Variants in KIRREL3 observed in about 807,000 individuals in gnomAD.
KIRREL3 encodes the protein kin of IRRE-like protein 3.
A neutral mutation model predicts 89.7 loss-of-function variants in KIRREL3; 36 were observed. The ratio of observed to expected loss-of-function variants is 0.40; its 90% CI spans 0.31 to 0.53. KIRREL3 has a LOEUF of 0.53. Ranked by LOEUF, KIRREL3 falls within the 20% of genes least tolerant of loss-of-function variation. KIRREL3 has a pLI of 0.49. For missense variants in KIRREL3, 864 were observed against 1,056.6 expected (o/e 0.82, Z 2.53); for synonymous variants, 445 against 441.4 (o/e 1.01, Z -0.10).
At chr11:126,449,880 C>T (rs1200675717) in intron 7 of KIRREL3, among the ~76,000 whole-genome samples, 4 of 152,248 alleles carry the variant, frequency 2.6e-5, no homozygotes, top group Admixed American at 6.5e-5. Flanking sequence ...CCCTGGATGG[C>T]ACTTGCTCTT....
rs1332305157 is a variant in KIRREL3, at chr11:126,495,751, C to G, written c.434-22285G>C. Among the ~76,000 whole-genome samples, 1 of 152,178 alleles carries G rather than the reference C, an allele frequency of 6.6e-6. No homozygotes were observed. Among genetic ancestry groups the G allele is most frequent in the African/African-American group, 2.4e-5 (1 of 41,440 alleles). On this transcript the variant is annotated intron_variant, in intron 4 of 16. Coordinates refer to ENST00000525144, the MANE Select transcript of KIRREL3 (RefSeq NM_032531.4). The surrounding 1 kb of genome is among the most constrained non-coding windows in gnomAD (Gnocchi z 6.5). Reference sequence around the variant, plus strand: ...GCCCATGTGGGCACTCCCTGCCCTTCTCACCGCTCTCCTTGTAAAAGGCAG... The same window carrying G: ...GCCCATGTGGGCACTCCCTGCCCTTGTCACCGCTCTCCTTGTAAAAGGCAG...
rs1348948384 is a variant in KIRREL3 at position 126,709,748 on chromosome 11, G to A, written c.56-146836C>T. On this transcript the variant is annotated intron_variant, in intron 1 of 16. Transcript: ENST00000525144. The surrounding 1 kb of genome is among the most constrained non-coding windows in gnomAD (Gnocchi z 4.0). ...CACCTCCATCTCAGACCTCCTGCCT[G>A]CAGAATTGTGAGAAAATAAGTTTCT... Among the ~76,000 whole-genome samples, 1 of 152,190 alleles carries A rather than the reference G, an allele frequency of 6.6e-6. No homozygotes were observed. The highest frequency in any genetic ancestry group is 1.5e-5 in the Non-Finnish European group (1 of 68,038).
chr11:126,581,264 G>A (rs528446192), intron 1 of KIRREL3, among the ~76,000 whole-genome samples: 4 of 152,224 alleles, frequency 2.6e-5, no homozygotes, highest in African/African-American at 7.2e-5. Flanking sequence ...GTGCAGTGGT[G>A]CAATCTCAGC....
chr11:126,697,319 G>A lies in KIRREL3; in HGVS notation c.56-134407C>T, dbSNP rs903655757. Among the ~76,000 whole-genome samples, 1 of 152,184 alleles carries A rather than the reference G, an allele frequency of 6.6e-6. No individual in the cohort carries two copies. The highest frequency in any genetic ancestry group is 1.5e-5 in the Non-Finnish European group (1 of 68,028). On this transcript the variant is annotated intron_variant, in intron 1 of 16. Transcript: ENST00000525144. The surrounding 1 kb of genome is among the most constrained non-coding windows in gnomAD (Gnocchi z 4.2). ...AACTGCAGCCAGCACTGGCCTTGCC[G>A]GCTCACTGCACAGGGTGGGCACTTA... is the stretch of plus-strand genomic sequence containing the variant.
rs1269419798 is a variant in KIRREL3, at chr11:126,425,714, C to A, written c.1817G>T (p.Gly606Val). 6.3e-7 allele frequency: 1 copy of A among 1,595,196 alleles called. No individual in the cohort carries two copies. Among genetic ancestry groups the A allele is most frequent in the Non-Finnish European group, 8.5e-7 (1 of 1,170,062 alleles). The change falls in exon 16 of 17, where the codon GGT becomes GTT. Residue 606 changes from glycine to valine, a missense_variant. Coordinates refer to ENST00000525144, the MANE Select transcript of KIRREL3 (RefSeq NM_032531.4). ...CAGGACTGAGTCTTGCTGGAATTCACCCCGGTCCATCTGCAACCCAAAAAA... is the reference window on the plus strand; with the variant it reads ...CAGGACTGAGTCTTGCTGGAATTCAACCCGGTCCATCTGCAACCCAAAAAA... ...STIKQLMMDR[G>V]EFQQDSVLKQ...
At chr11:126,461,292 C>G (rs1287992175) in intron 6 of KIRREL3, among the ~76,000 whole-genome samples, 1 of 152,252 alleles carries the variant, frequency 6.6e-6, no homozygotes, top group Non-Finnish European at 1.5e-5. Context: ...AGGCGGTGCT[C>G]AGACCCAGGA....
intron 1 of KIRREL3, among the ~76,000 whole-genome samples, chr11:126,960,157 C>T (rs1484652633): frequency 1.3e-5 from 2 of 149,344 alleles, no homozygotes; most frequent in Non-Finnish European, 3.0e-5. Flanking sequence ...CTTGGCCTGA[C>T]GCAGGAGACA....
At chr11:126,728,070 A>T (rs1416475705) in intron 1 of KIRREL3, among the ~76,000 whole-genome samples, 1 of 152,128 alleles carries the variant, frequency 6.6e-6, no homozygotes, top group East Asian at 1.9e-4. Context: ...GCAATCCATT[A>T]TGTGACTGGT....
chr11:126,706,076 C>T (rs1299474035), intron 1 of KIRREL3, among the ~76,000 whole-genome samples: 1 of 152,186 alleles, frequency 6.6e-6, no homozygotes, highest in African/African-American at 2.4e-5. Flanking sequence ...GGCCTTCTAG[C>T]CCAGTCAAGC....
In KIRREL3 at chr11:126,594,919, C is replaced by A. The variant is rs1202527667; in HGVS notation, c.56-32007G>T. 2.6e-5 allele frequency among the ~76,000 whole-genome samples: 4 copies of A among 152,238 alleles called. No homozygotes were observed. Among genetic ancestry groups the A allele is most frequent in the Admixed American group, 6.5e-5 (1 of 15,290 alleles). On this transcript the variant is annotated intron_variant, in intron 1 of 16. Coordinates refer to ENST00000525144, the MANE Select transcript of KIRREL3 (RefSeq NM_032531.4). The surrounding 1 kb of genome is among the most constrained non-coding windows in gnomAD (Gnocchi z 5.0). ...GGCCTTCCGCCCCTGGGAGGGGGAA[C>A]AATGTCTCCTGGTGAAAGTCACTTT... is the stretch of plus-strand genomic sequence containing the variant.
At chr11:126,572,316 A>T (rs1940993113) in intron 1 of KIRREL3, among the ~76,000 whole-genome samples, 1 of 152,236 alleles carries the variant, frequency 6.6e-6, no homozygotes, top group African/African-American at 2.4e-5. Flanking sequence ...GGTTATACAT[A>T]CAAGACTGAT....
intron 4 of KIRREL3, among the ~76,000 whole-genome samples, chr11:126,481,913 T>G (rs569036887): frequency 6.6e-6 from 1 of 152,386 alleles, no homozygotes; most frequent in South Asian, 2.1e-4. Context: ...TCTGAACTTC[T>G]TGGCCACTGC....
rs1384183842 is a variant in KIRREL3, at chr11:126,431,146, A to C, written c.1696+273T>G. On this transcript the variant is annotated intron_variant, in intron 14 of 16. Coordinates refer to ENST00000525144, the MANE Select transcript of KIRREL3 (RefSeq NM_032531.4). The surrounding 1 kb of genome is among the most constrained non-coding windows in gnomAD (Gnocchi z 7.1). ...TATCTTTCTGTACAGTTCCTGACTG[A>C]AAGAGCTATGTGTTCAATCCAAAAT... The C allele has an allele frequency of 2.5e-5, 36 of 1,436,312 alleles. No individual in the cohort carries two copies. The highest frequency in any genetic ancestry group is 3.1e-5 in the Non-Finnish European group (34 of 1,098,486). The allele number at this position is 1,436,312 out of a possible 1,614,324, so 89.0% of individuals were successfully genotyped here.
rs909531779 is a variant in KIRREL3 at position 126,904,822 on chromosome 11, C to T, written c.55+95633G>A. Reference sequence around the variant, plus strand: ...TGCGTCTGTAAGCATCAATGCTATTCCTCAGAGACATTAAGATCCCAGAGA... The same window carrying T: ...TGCGTCTGTAAGCATCAATGCTATTTCTCAGAGACATTAAGATCCCAGAGA... On this transcript the variant is annotated intron_variant, in intron 1 of 16. Transcript: ENST00000525144. The surrounding 1 kb of genome is among the most constrained non-coding windows in gnomAD (Gnocchi z 4.4). Among the ~76,000 whole-genome samples the T allele has an allele frequency of 3.9e-5, 6 of 152,150 alleles. No individual in the cohort carries two copies. Among genetic ancestry groups the T allele is most frequent in the African/African-American group, 1.4e-4 (6 of 41,422 alleles).
Position 126,647,534 on chromosome 11 carries a change from G to A in KIRREL3, c.56-84622C>T, listed in dbSNP as rs1944737440. On this transcript the variant is annotated intron_variant, in intron 1 of 16. Coordinates refer to ENST00000525144, the MANE Select transcript of KIRREL3 (RefSeq NM_032531.4). This position sits in a 1 kb window ranked among gnomAD's most constrained non-coding sequence, Gnocchi z 4.9. ...AAACGTTTATCAGGCACCTTTTAGTGTAAGGTACTCTGCTGGGAGCCCAAA... is the reference window on the plus strand; with the variant it reads ...AAACGTTTATCAGGCACCTTTTAGTATAAGGTACTCTGCTGGGAGCCCAAA... Among the ~76,000 whole-genome samples the A allele has an allele frequency of 1.3e-5, 2 of 152,124 alleles. No individual in the cohort carries two copies. Among genetic ancestry groups the A allele is most frequent in the African/African-American group, 4.8e-5 (2 of 41,426 alleles).
Position 126,432,554 on chromosome 11 carries a change from C to G in KIRREL3, c.1589-1028G>C, listed in dbSNP as rs1423118176. On this transcript the variant is annotated intron_variant, in intron 13 of 16. Coordinates refer to ENST00000525144, the MANE Select transcript of KIRREL3 (RefSeq NM_032531.4). The surrounding 1 kb of genome is among the most constrained non-coding windows in gnomAD (Gnocchi z 6.2). ...GCCCAGCCAGGGTCAATCCAGGTCT[C>G]CTCTCACTGCTCCCACCCCTCCACT... is the stretch of plus-strand genomic sequence containing the variant. Among the ~76,000 whole-genome samples the G allele has an allele frequency of 4.6e-5, 7 of 152,126 alleles. No homozygotes were observed. Among genetic ancestry groups the G allele is most frequent in the Admixed American group, 4.6e-4 (7 of 15,280 alleles).
In KIRREL3 at chr11:126,666,509, C is replaced by T. The variant is rs1213953577; in HGVS notation, c.56-103597G>A. 6.6e-6 allele frequency among the ~76,000 whole-genome samples: 1 copy of T among 152,220 alleles called. No individual in the cohort carries two copies. Among genetic ancestry groups the T allele is most frequent in the African/African-American group, 2.4e-5 (1 of 41,450 alleles). On this transcript the variant is annotated intron_variant, in intron 1 of 16. Transcript: ENST00000525144. The surrounding 1 kb of genome is among the most constrained non-coding windows in gnomAD (Gnocchi z 4.2). Reference sequence around the variant, plus strand: ...GACAAATCTAATGATAAGAAAGTTACAGCCAAGTTTATTGAACAATAACCC... The same window carrying T: ...GACAAATCTAATGATAAGAAAGTTATAGCCAAGTTTATTGAACAATAACCC...
In KIRREL3 at chr11:126,559,848, T is replaced by A. The variant is rs183474760; in HGVS notation, c.133+2987A>T. On this transcript the variant is annotated intron_variant, in intron 2 of 16. Transcript: ENST00000525144. ...CCAACCCTGGCTGATTATTATTATT[T>A]TTTTTTGTATTTTTAGTAGAGACAG... Among the ~76,000 whole-genome samples, 261 of 151,900 alleles carry A rather than the reference T, an allele frequency of 1.7e-3. 1 individual carries two copies. The highest frequency in any genetic ancestry group is 2.7e-3 in the African/African-American group (112 of 41,410).
chr11:126,463,336 G>A lies in KIRREL3; in HGVS notation c.592-29C>T. ...GGGAGAAAGGGAAAGGGGAGAGAAA[G>A]CTCCATGTCGCTTGGCTGGGGTGGC... On this transcript the variant is annotated intron_variant, in intron 5 of 16. Coordinates refer to ENST00000525144, the MANE Select transcript of KIRREL3 (RefSeq NM_032531.4). The surrounding 1 kb of genome is among the most constrained non-coding windows in gnomAD (Gnocchi z 5.9). 6.3e-7 allele frequency: 1 copy of A among 1,598,720 alleles called. No individual in the cohort carries two copies. Among genetic ancestry groups the A allele is most frequent in the Non-Finnish European group, 8.6e-7 (1 of 1,169,216 alleles).
Sources: gnomAD v4.1 joint callset for allele counts (sites outside exome capture counted in the v4.1 genomes callset) on GRCh38, gnomAD v4.1.1 for gene constraint, Gnocchi (gnomAD v3.1) non-coding constraint, MANE v1.5 for transcripts, NCBI Gene and HGNC (gene_info 2026-07-23, HGNC 2026-07-21) for gene names.